Variants in PALM2AKAP2 observed in about 807,000 individuals in gnomAD.
PALM2AKAP2 encodes the protein PALM2-AKAP2 fusion protein.
PALM2AKAP2 carries 37 observed loss-of-function variants against 71.5 expected under a neutral mutation model. That is an observed-to-expected ratio of 0.52 (90% confidence interval 0.40 to 0.68). PALM2AKAP2 has a LOEUF of 0.68. Among genes scored for constraint, PALM2AKAP2 ranks in the 30% least tolerant of loss-of-function variants. The pLI, the probability that PALM2AKAP2 is intolerant of heterozygous loss-of-function variation, is 0.00. For missense variants in PALM2AKAP2, 1,224 were observed against 1,191.8 expected (o/e 1.03, Z -0.40); for synonymous variants, 468 against 478.8 (o/e 0.98, Z 0.29).
At chr9:109,843,869 T>C (rs1456432677) in intron 1 of PALM2AKAP2, among the ~76,000 whole-genome samples, 2 of 152,220 alleles carry the variant, frequency 1.3e-5, no homozygotes, top group African/African-American at 4.8e-5. Flanking sequence ...GGCCTTCTTC[T>C]GTCAGCACTA....
At chr9:109,675,088 A>T (rs762714303) in intron 1 of PALM2AKAP2, among the ~76,000 whole-genome samples, 2 of 152,106 alleles carry the variant, frequency 1.3e-5, no homozygotes, top group Non-Finnish European at 2.9e-5. Flanking sequence ...ATTTGAAGTA[A>T]GCTAGCCTAA....
chr9:109,731,465 T>A (rs184565485), intron 1 of PALM2AKAP2, among the ~76,000 whole-genome samples: 94 of 152,284 alleles, frequency 6.2e-4, no homozygotes, highest in African/African-American at 2.2e-3. Flanking sequence ...CCTAACACAA[T>A]CACCTTTTGA....
At chr9:109,830,654 C>G (rs1986186) in intron 1 of PALM2AKAP2, among the ~76,000 whole-genome samples, 4,498 of 152,244 alleles carry the variant, frequency 0.03, 162 homozygotes, top group East Asian at 0.13. Context: ...TATTTCTAAG[C>G]CTGGCTTGGG....
intron 1 of PALM2AKAP2, among the ~76,000 whole-genome samples, chr9:109,754,991 G>A (rs914903744): frequency 3.3e-5 from 5 of 151,956 alleles, no homozygotes; most frequent in Non-Finnish European, 7.4e-5. Context: ...CCTATAGCCT[G>A]TGTATAAGCA....
chr9:110,023,789 C>T (rs1469185319), intron 7 of PALM2AKAP2, among the ~76,000 whole-genome samples: 1 of 151,614 alleles, frequency 6.6e-6, no homozygotes, highest in Non-Finnish European at 1.5e-5. Context: ...ACCAGGAGTT[C>T]GAGACCAGCC....
chr9:109,886,822 G>A (rs138123858), intron 3 of PALM2AKAP2, among the ~76,000 whole-genome samples: 41 of 152,342 alleles, frequency 2.7e-4, no homozygotes, highest in African/African-American at 9.6e-4. Context: ...CAGAGTGGAG[G>A]AAAGAGGTTG....
rs189153273 is a variant in PALM2AKAP2 at position 110,132,561 on chromosome 9, C to T, written c.157-3566C>T. On this transcript the variant is annotated intron_variant, in intron 1 of 3. Coordinates refer to ENST00000374525, the Ensembl canonical transcript of PALM2AKAP2. ...GTCAGGCTGGTCTCAAACTCCTGAC[C>T]TCAAGTGATCCACCCACATTGGCCT... Among the ~76,000 whole-genome samples, 33 of 152,072 alleles carry T rather than the reference C, an allele frequency of 2.2e-4. 1 individual carries two copies. The highest frequency in any genetic ancestry group is 7.0e-4 in the African/African-American group (29 of 41,490).
chr9:109,943,284 C>T (rs768884531), intron 6 of PALM2AKAP2: 14 of 1,614,196 alleles, frequency 8.7e-6, no homozygotes, highest in Admixed American at 8.3e-5. Flanking sequence ...TTGACGGGAA[C>T]GCGGCTGAGC....
chr9:110,105,203 C>A (rs1304560022), intron 1 of PALM2AKAP2, among the ~76,000 whole-genome samples: 2 of 152,200 alleles, frequency 1.3e-5, no homozygotes, highest in African/African-American at 4.8e-5. Flanking sequence ...CGCATATGTT[C>A]TCTGTCTTCT....
chr9:109,742,533 C>A (rs1191700100), intron 1 of PALM2AKAP2, among the ~76,000 whole-genome samples: 1 of 152,126 alleles, frequency 6.6e-6, no homozygotes, highest in Admixed American at 6.5e-5. Context: ...ATAATGAGTA[C>A]ATGTGATGTT....
chr9:110,150,389 T>C (rs1433909876), intron 2 of PALM2AKAP2, among the ~76,000 whole-genome samples: 2 of 152,146 alleles, frequency 1.3e-5, no homozygotes, highest in Non-Finnish European at 2.9e-5. Flanking sequence ...AGAGTTCACT[T>C]TCTTCCCTCT....
chr9:109,840,958 G>A (rs1433829821), intron 1 of PALM2AKAP2, among the ~76,000 whole-genome samples: 1 of 152,202 alleles, frequency 6.6e-6, no homozygotes, highest in Non-Finnish European at 1.5e-5. Flanking sequence ...AGACAGTGTG[G>A]CGATAGCTCA....
rs112101545 is a variant in PALM2AKAP2 at position 109,987,867 on chromosome 9, A to C, written c.497-28087A>C. On this transcript the variant is annotated intron_variant, in intron 6 of 9. Coordinates refer to the PALM2AKAP2 transcript ENST00000302798. Reference sequence around the variant, plus strand: ...ATATGACAATGTTCAGTGGAAGAAGAAAAGGAAGTTTCTTCATCTGTGTCT... The same window carrying C: ...ATATGACAATGTTCAGTGGAAGAAGCAAAGGAAGTTTCTTCATCTGTGTCT... Among the ~76,000 whole-genome samples the C allele has an allele frequency of 7.2e-3, 1,094 of 152,360 alleles. 13 individuals are homozygous for C. Among genetic ancestry groups the C allele is most frequent in the African/African-American group, 0.025 (1,040 of 41,598 alleles).
At chr9:109,652,286 T>A (rs1827236253) in intron 1 of PALM2AKAP2, among the ~76,000 whole-genome samples, 1 of 152,160 alleles carries the variant, frequency 6.6e-6, no homozygotes, top group African/African-American at 2.4e-5. Context: ...GTTTGAGTCA[T>A]GAGGGTGGAT....
At chr9:109,700,388 G>T (rs191908173) in intron 1 of PALM2AKAP2, among the ~76,000 whole-genome samples, 1 of 151,976 alleles carries the variant, frequency 6.6e-6, no homozygotes, top group South Asian at 2.1e-4. Context: ...CTCCTCCTTC[G>T]CCTTCCGCCA....
At chr9:109,931,996 C>T (rs1831113842) in exon 6 of PALM2AKAP2, 1 of 1,614,078 alleles carries the variant, frequency 6.2e-7, no homozygotes, top group Non-Finnish European at 8.5e-7. Flanking sequence ...GCAGAACCAT[C>T]ACCTGGGCAG....
chr9:110,088,703 G>GTT (rs71373964), intron 1 of PALM2AKAP2, among the ~76,000 whole-genome samples: 2,978 of 74,980 alleles, frequency 0.04, 526 homozygotes, highest in East Asian at 0.083. Context: ...GCATTTACGT[G>GTT]TTTTTTTTTT....
chr9:109,733,962 T>G (rs115548753), intron 1 of PALM2AKAP2, among the ~76,000 whole-genome samples: 20 of 152,298 alleles, frequency 1.3e-4, no homozygotes, highest in African/African-American at 4.1e-4. Flanking sequence ...AACTATACAT[T>G]CAATGATGAA....
rs1031169650 is a variant in PALM2AKAP2 at position 109,745,194 on chromosome 9, A to C, written c.6-35294A>C. On this transcript the variant is annotated intron_variant, in intron 1 of 6. Transcript: ENST00000374531. ...CGATAGGTATGGACTCCACTTAAAA[A>C]TAAGGCTCGTAGCCGGGCATGGTGG... 8.5e-5 allele frequency among the ~76,000 whole-genome samples: 13 copies of C among 152,252 alleles called. 1 individual carries two copies. The Middle Eastern group carries it at 0.02, about 239-fold the overall frequency.
Sources: gnomAD v4.1 joint callset for allele counts (sites outside exome capture counted in the v4.1 genomes callset) on GRCh38, gnomAD v4.1.1 for gene constraint, MANE v1.5 for transcripts, NCBI Gene and HGNC (gene_info 2026-07-23, HGNC 2026-07-21) for gene names.